The following GALNT14 variants were observed in gnomAD, a reference collection of about 807,000 sequenced individuals.
GALNT14 encodes polypeptide N-acetylgalactosaminyltransferase 14, also known as UDP-GalNAc:polypeptide N-acetylgalactosaminyltransferase 14.
In GALNT14, 60 loss-of-function variants were observed where a neutral mutation model predicts 77.5. That is an observed-to-expected ratio of 0.77 (90% CI 0.63 to 0.96). The LOEUF (loss-of-function observed/expected upper bound fraction) is 0.96. Among genes scored for constraint, GALNT14 ranks in the 40% least tolerant of loss-of-function variants. The pLI, the probability that GALNT14 is intolerant of heterozygous loss-of-function variation, is 0.00. For missense variants in GALNT14, 710 were observed against 731.0 expected (o/e 0.97, Z 0.33); for synonymous variants, 280 against 281.7 (o/e 0.99, Z 0.06).
chr2:31,012,659 T>C lies in GALNT14; in HGVS notation c.130-19652A>G, dbSNP rs570210877. On this transcript the variant is annotated intron_variant, in intron 1 of 14. Transcript: ENST00000349752. ...TGAACTTGCCCTGAATCAGGGTGTG[T>C]AGGTCAAGCAAGATGCAAAGGAACT... Among the ~76,000 whole-genome samples, 3 of 152,128 alleles carry C rather than the reference T, an allele frequency of 2.0e-5. No homozygotes were observed. In the East Asian group the frequency reaches 5.8e-4, roughly 29 times the overall value.
intron 1 of GALNT14, among the ~76,000 whole-genome samples, chr2:31,018,475 C>A (rs1671520074): frequency 6.6e-6 from 1 of 152,036 alleles, no homozygotes; most frequent in African/African-American, 2.4e-5. Flanking sequence ...GAGGAAAAGC[C>A]CCTTATAAAA....
At chr2:30,887,218 T>C in the GALNT14 span, among the ~76,000 whole-genome samples, 4 of 152,306 alleles carry the variant, frequency 2.6e-5, no homozygotes, top group East Asian at 7.7e-4. Context: ...CTCTTTTCAG[T>C]TTTTTTCAGG....
chr2:31,054,342 G>A (rs1470841587), intron 1 of GALNT14, among the ~76,000 whole-genome samples: 1 of 152,148 alleles, frequency 6.6e-6, no homozygotes, highest in African/African-American at 2.4e-5. Flanking sequence ...TGTCATTCCA[G>A]TCTCATCATA....
intron 4 of GALNT14, 94 bp downstream of exon 4, chr2:30,958,303 A>C: frequency 9.1e-7 from 1 of 1,095,020 alleles, no homozygotes; most frequent in Non-Finnish European, 1.4e-6. Context: ...GCTTTTCCCC[A>C]TTCCCAGAAA....
rs12617481 is a variant in GALNT14 at position 30,943,046 on chromosome 2, G to A, written c.828-742C>T. Reference sequence around the variant, plus strand: ...CACAGGGAAGACATGGCCATCTACCGGCCAAGGAGAGAGGCCTAGAACAGC... The same window carrying A: ...CACAGGGAAGACATGGCCATCTACCAGCCAAGGAGAGAGGCCTAGAACAGC... On this transcript the variant is annotated intron_variant, in intron 8 of 14. Coordinates refer to ENST00000349752, the MANE Select transcript of GALNT14 (RefSeq NM_024572.4). 8.1e-3 allele frequency among the ~76,000 whole-genome samples: 1,226 copies of A among 152,248 alleles called. 56 individuals are homozygous for A. The East Asian group carries it at 0.14, about 17-fold the overall frequency.
At chr2:31,040,077 A>G (rs577535271) in intron 1 of GALNT14, among the ~76,000 whole-genome samples, 1 of 152,280 alleles carries the variant, frequency 6.6e-6, no homozygotes, top group African/African-American at 2.4e-5. Flanking sequence ...CAAACCCAAA[A>G]CTATCCACAC....
intron 1 of GALNT14, among the ~76,000 whole-genome samples, chr2:31,074,951 G>A (rs1407970320): frequency 6.6e-6 from 1 of 152,142 alleles, no homozygotes; most frequent in Non-Finnish European, 1.5e-5. Flanking sequence ...TCTTAATATG[G>A]TTGGGATATT....
At chr2:31,006,916 A>T (rs1315878507) in intron 1 of GALNT14, among the ~76,000 whole-genome samples, 1 of 152,140 alleles carries the variant, frequency 6.6e-6, no homozygotes, top group Admixed American at 6.5e-5. Flanking sequence ...CCCAGATAGT[A>T]TGTACAGCAA....
chr2:30,991,677 G>T (rs944990151), intron 2 of GALNT14, among the ~76,000 whole-genome samples: 1 of 152,166 alleles, frequency 6.6e-6, no homozygotes, highest in Admixed American at 6.5e-5. Flanking sequence ...TATATTCATA[G>T]GGAAACCAAT....
At position 30,968,410 on chromosome 2, in the gene GALNT14, G is replaced by A. The variant is rs529269378; in HGVS notation, c.300-2108C>T. Among the ~76,000 whole-genome samples the A allele has an allele frequency of 2.0e-3, 303 of 152,292 alleles. 3 individuals are homozygous for A. Among genetic ancestry groups the A allele is most frequent in the African/African-American group, 7.1e-3 (294 of 41,556 alleles). On this transcript the variant is annotated intron_variant, in intron 2 of 14. Coordinates refer to ENST00000349752, the MANE Select transcript of GALNT14 (RefSeq NM_024572.4). The stretch of plus-strand genomic sequence containing the variant: ...ACCCATAGAATATGGTAGAAGTGAC[G>A]GTGTGTGTCTCCCAAGGTTAAATCA...
chr2:31,040,573 C>T (rs989779753), intron 1 of GALNT14, among the ~76,000 whole-genome samples: 2 of 152,204 alleles, frequency 1.3e-5, no homozygotes, highest in Non-Finnish European at 2.9e-5. Context: ...AGTTCTCAAG[C>T]TCTCTTAACA....
chr2:30,914,929 C>T (rs1474055048), intron 13 of GALNT14, among the ~76,000 whole-genome samples: 1 of 152,188 alleles, frequency 6.6e-6, no homozygotes, highest in African/African-American at 2.4e-5. Context: ...AATGCAACAG[C>T]TGGACTACCA....
rs779181073 is a variant in GALNT14 at position 31,138,024 on chromosome 2, C to A, written c.63G>T (p.Leu21=). Residue 21 remains leucine, a synonymous_variant, in exon 1 of 15, where the codon CTG becomes CTT. Coordinates refer to ENST00000349752, the MANE Select transcript of GALNT14 (RefSeq NM_024572.4). ...PVFGVLWITV[L]LFFWVTKRKL... ...TCCTCTTGGTTACCCAGAAGAACAG[C>A]AGCACCGTGATCCAGAGCACCCCGA... The A allele has an allele frequency of 6.2e-7, 1 of 1,613,892 alleles. No individual in the cohort carries two copies. The highest frequency in any genetic ancestry group is 8.5e-7 in the Non-Finnish European group (1 of 1,179,826).
chr2:30,976,428 C>T (rs1668627383), intron 2 of GALNT14, among the ~76,000 whole-genome samples: 1 of 152,176 alleles, frequency 6.6e-6, no homozygotes. Context: ...TGCCTAGCCC[C>T]TTCCAAGTGA....
intron 1 of GALNT14, among the ~76,000 whole-genome samples, chr2:31,016,861 C>G (rs1410919641): frequency 6.6e-6 from 1 of 152,170 alleles, no homozygotes; most frequent in East Asian, 1.9e-4. Context: ...GAATCTGACT[C>G]AAGACACAAA....
chr2:31,054,414 T>A (rs1309183616), intron 1 of GALNT14, among the ~76,000 whole-genome samples: 1 of 152,176 alleles, frequency 6.6e-6, no homozygotes, highest in African/African-American at 2.4e-5. Context: ...TGTCCCTCCG[T>A]CCTCATATCC....
intron 1 of GALNT14, among the ~76,000 whole-genome samples, chr2:31,028,618 C>T (rs1363848043): frequency 2.0e-5 from 3 of 152,160 alleles, no homozygotes; most frequent in Non-Finnish European, 4.4e-5. Context: ...GCAAAGCCTT[C>T]GAGGCAGCAG....
chr2:30,893,228 C>A, the GALNT14 span, among the ~76,000 whole-genome samples: 1 of 152,116 alleles, frequency 6.6e-6, no homozygotes, highest in Non-Finnish European at 1.5e-5. Context: ...CAACTAATAA[C>A]ACTGGAACAT....
At chr2:30,981,036 G>C (rs1668958657) in intron 2 of GALNT14, among the ~76,000 whole-genome samples, 2 of 152,216 alleles carry the variant, frequency 1.3e-5, no homozygotes, top group Admixed American at 1.3e-4. Flanking sequence ...CTTCACTCCA[G>C]CCTGGGCTAA....
Sources: allele counts gnomAD v4.1 joint callset (sites outside exome capture counted in the v4.1 genomes callset), GRCh38; gene constraint gnomAD v4.1.1; transcripts MANE v1.5; gene names NCBI Gene and HGNC (gene_info 2026-07-23, HGNC 2026-07-21).